Variants in TET3 observed in about 807,000 individuals in gnomAD.
TET3 encodes the protein methylcytosine dioxygenase TET3.
A neutral mutation model predicts 141.4 loss-of-function variants in TET3; 19 were observed. The observed-to-expected ratio is 0.13, with a 90% CI of 0.09 to 0.20. The LOEUF is 0.20. Among genes scored for constraint, TET3 ranks in the 10% least tolerant of loss-of-function variants. The pLI is 1.00. For synonymous variants in TET3, 1,043 were observed against 980.9 expected, an observed-to-expected ratio of 1.06 and a Z score of -1.18; for missense variants, 1,874 against 2,356.9, an observed-to-expected ratio of 0.80 and a Z score of 4.24.
chr2:74,079,190 T>A lies in TET3; in HGVS notation c.2586-1308T>A, dbSNP rs958552673. 6.6e-5 allele frequency among the ~76,000 whole-genome samples: 10 copies of A among 151,848 alleles called. No individual in the cohort carries two copies. In the East Asian group the frequency reaches 1.7e-3, roughly 26 times the overall value. ...GGTGAAACCCTGTCCTTACTAAAAATACAAAAATTAGCTGGGCGTGGTGGC... is the reference window on the plus strand; with the variant it reads ...GGTGAAACCCTGTCCTTACTAAAAAAACAAAAATTAGCTGGGCGTGGTGGC... On this transcript the variant is annotated intron_variant, in intron 5 of 11. Transcript: ENST00000409262.
chr2:74,132,309 C>T, the TET3 span, among the ~76,000 whole-genome samples: 258 of 152,222 alleles, frequency 1.7e-3, 2 homozygotes, highest in African/African-American at 5.8e-3. Flanking sequence ...AAAGTTTGCT[C>T]TTACAACGCG....
At chr2:74,055,628 G>A (rs1688176186) in intron 4 of TET3, among the ~76,000 whole-genome samples, 1 of 152,208 alleles carries the variant, frequency 6.6e-6, no homozygotes, top group South Asian at 2.1e-4. Context: ...AGGAAACTGA[G>A]TTCTGTGGTT....
At position 74,003,143 on chromosome 2, in the gene TET3, T is replaced by A. The variant is rs1237881635; in HGVS notation, c.337T>A (p.Trp113Arg). 4 of 1,550,012 alleles carry A rather than the reference T, an allele frequency of 2.6e-6. No individual in the cohort carries two copies. Among genetic ancestry groups the A allele is most frequent in the Non-Finnish European group, 3.5e-6 (4 of 1,146,874 alleles). Reference sequence around the variant, plus strand: ...AAAGGCTGGTGAAGGAGCCGGGCCGTGGGGACAAGGAGCGGCTGTCAAGGT... The same window carrying A: ...AAAGGCTGGTGAAGGAGCCGGGCCGAGGGGACAAGGAGCGGCTGTCAAGGT... ...EIKAGEGAGP[W>R]GQGAAVKTGS... The change falls in exon 3 of 12, where the codon TGG becomes AGG. Residue 113 changes from tryptophan to arginine, a missense_variant. Around this residue, in one of 10 missense-constraint regions of TET3, gnomAD observed 366 missense variants for 487.0 expected, o/e 0.75. Transcript: ENST00000409262.
intron 3 of TET3, among the ~76,000 whole-genome samples, chr2:74,041,259 A>C (rs545213647): frequency 1.2e-4 from 18 of 152,272 alleles, no homozygotes; most frequent in African/African-American, 4.1e-4. Context: ...CACTCAAAAC[A>C]AGTCTAATTC....
chr2:73,993,966 A>G (rs1684455643), intron 2 of TET3, among the ~76,000 whole-genome samples: 1 of 152,104 alleles, frequency 6.6e-6, no homozygotes, highest in Non-Finnish European at 1.5e-5. Context: ...ATGAAGTAGT[A>G]GGCGAGTCAG....
chr2:74,033,267 C>G (rs1463097821), intron 3 of TET3, among the ~76,000 whole-genome samples: 1 of 152,188 alleles, frequency 6.6e-6, no homozygotes, highest in African/African-American at 2.4e-5. Context: ...AGAGGATAAG[C>G]ACTGTTAACA....
intron 3 of TET3, among the ~76,000 whole-genome samples, chr2:74,031,824 T>C (rs1294064573): frequency 6.6e-6 from 1 of 152,220 alleles, no homozygotes; most frequent in Non-Finnish European, 1.5e-5. Flanking sequence ...CAGGGATTCC[T>C]GTGAAAAGCT....
At chr2:74,010,744 A>T (rs1294997598) in intron 3 of TET3, among the ~76,000 whole-genome samples, 1 of 152,084 alleles carries the variant, frequency 6.6e-6, no homozygotes, top group African/African-American at 2.4e-5. Context: ...TGCCCCAGAA[A>T]TTTTTTCTCA....
At position 74,048,171 on chromosome 2, in the gene TET3, C is replaced by T. The variant is rs534089911; in HGVS notation, c.2254C>T (p.Arg752Cys). 114 of 1,612,362 alleles carry T rather than the reference C, an allele frequency of 7.1e-5. 2 individuals carry two copies. In the South Asian group the frequency reaches 7.6e-4, roughly 11 times the overall value. ...AGCCCCTGAGAGCCCCTTTGCTACCCGTTCCCCCAAGCAAATCAAGATTGA... is the reference window on the plus strand; with the variant it reads ...AGCCCCTGAGAGCCCCTTTGCTACCTGTTCCCCCAAGCAAATCAAGATTGA... The part of the protein sequence containing the change: ...LPAPESPFAT[R>C]SPKQIKIESS... The change falls in exon 4 of 12, where the codon CGT (arginine) becomes TGT (cysteine). Residue 752 changes from arginine to cysteine, a missense_variant. This residue lies in a region of TET3 where 83 missense variants were observed against 107.0 expected (regional missense o/e 0.78). Transcript: ENST00000409262.
intron 11 of TET3, 27 bp downstream of exon 11, chr2:74,099,639 G>A (rs1273873894): frequency 6.6e-7 from 1 of 1,520,330 alleles, no homozygotes. Context: ...TGCCCGCTTG[G>A]AGTCACAATG....
At chr2:74,086,791 TAAAAAA>T (rs33942081) in intron 6 of TET3, among the ~76,000 whole-genome samples, 3 of 94,056 alleles carry the variant, frequency 3.2e-5, no homozygotes, top group Admixed American at 1.2e-4. Context: ...ACCCTGACTC[TAAAAAA>T]AAAAAAAAAA....
the TET3 span, among the ~76,000 whole-genome samples, chr2:74,133,421 A>G: frequency 1.3e-5 from 2 of 152,242 alleles, no homozygotes; most frequent in African/African-American, 4.8e-5. Flanking sequence ...CTCAACCTGC[A>G]GTCAGGATGC....
At position 74,106,591 on chromosome 2, in the gene TET3, G is replaced by A. The variant is rs1032953742; in HGVS notation, c.*4415G>A. The stretch of plus-strand genomic sequence containing the variant: ...CTCTCATTGGTAACCCCTTATGTTC[G>A]GACTAAAGGAAGGAGCTTTCTTTGC... On this transcript the variant is annotated 3_prime_UTR_variant, in exon 12 of 12. Transcript: ENST00000409262. The A allele has an allele frequency of 1.3e-5, 2 of 153,648 alleles. No individual in the cohort carries two copies. The highest frequency in any genetic ancestry group is 2.9e-5 in the Non-Finnish European group (2 of 68,026). 9.5% of individuals were successfully genotyped at this position (153,648 alleles called of 1,614,324 possible). A position where few individuals can be genotyped will look rare whatever the true frequency, so the allele number is the denominator to read the frequency against.
the TET3 span, chr2:74,134,536 C>G: frequency 1.1e-5 from 4 of 365,126 alleles, no homozygotes; most frequent in Admixed American, 1.3e-4. Flanking sequence ...CAATAGTGAC[C>G]CCTAACTTCT....
chr2:74,026,398 C>T (rs1227022388), intron 3 of TET3, among the ~76,000 whole-genome samples: 18 of 152,146 alleles, frequency 1.2e-4, no homozygotes, highest in African/African-American at 3.4e-4. Flanking sequence ...GGCCAGTGGC[C>T]GGGGATTGTT....
At chr2:74,018,737 C>A (rs35015888) in intron 3 of TET3, among the ~76,000 whole-genome samples, 1 of 142,194 alleles carries the variant, frequency 7.0e-6, no homozygotes, top group Non-Finnish European at 1.5e-5. Flanking sequence ...TTAAAACATA[C>A]TTCTTACTTT....
At chr2:73,997,894 G>A (rs1422828638) in intron 2 of TET3, among the ~76,000 whole-genome samples, 1 of 152,208 alleles carries the variant, frequency 6.6e-6, no homozygotes, top group Non-Finnish European at 1.5e-5. Flanking sequence ...AGGGAGGGAT[G>A]CCTTGAGGGC....
At chr2:74,036,052 G>A (rs77857816) in intron 3 of TET3, among the ~76,000 whole-genome samples, 11,696 of 152,210 alleles carry the variant, frequency 0.077, 570 homozygotes, top group Middle Eastern at 0.16. Context: ...TCGGCACTTG[G>A]TATTAAACTA....
intron 3 of TET3, among the ~76,000 whole-genome samples, chr2:74,031,242 G>A (rs1158037226): frequency 1.3e-5 from 2 of 152,070 alleles, no homozygotes; most frequent in African/African-American, 2.4e-5. Context: ...GGAGGAAAAG[G>A]AGAATGGAGG....
Sources: gnomAD v4.1 joint callset for allele counts (sites outside exome capture counted in the v4.1 genomes callset) on GRCh38, gnomAD v4.1.1 for gene constraint, gnomAD v4.1.1 regional missense constraint, MANE v1.5 for transcripts, NCBI Gene and HGNC (gene_info 2026-07-23, HGNC 2026-07-21) for gene names.